The following EIF4G3 variants were observed in gnomAD, a reference collection of about 807,000 sequenced individuals.
EIF4G3 encodes eIF-4-gamma 3.
Under a neutral mutation model 186.4 loss-of-function variants are expected in EIF4G3, and 34 were observed. The observed-to-expected ratio is 0.18, with a 90% CI of 0.14 to 0.24. The LOEUF (loss-of-function observed/expected upper bound fraction) is 0.24. Ranked by LOEUF, EIF4G3 falls within the 10% of genes least tolerant of loss-of-function variation. The probability of loss-of-function intolerance (pLI) is 1.00; values close to 1 mark genes in which losing one functional copy is unlikely to be tolerated. For synonymous variants in EIF4G3, 673 were observed against 679.5 expected, an observed-to-expected ratio of 0.99 and a Z score of 0.15; for missense variants, 1,536 against 1,948.5, an observed-to-expected ratio of 0.79 and a Z score of 3.99.
intron 12 of EIF4G3, among the ~76,000 whole-genome samples, chr1:20,965,431 T>C (rs2074408079): frequency 6.6e-6 from 1 of 152,190 alleles, no homozygotes; most frequent in Non-Finnish European, 1.5e-5. Flanking sequence ...GCATTAACAA[T>C]AGCATTGCCA....
At chr1:20,896,418 A>G (rs1293701419) in intron 16 of EIF4G3, among the ~76,000 whole-genome samples, 2 of 149,050 alleles carry the variant, frequency 1.3e-5, no homozygotes, top group Admixed American at 1.3e-4. Flanking sequence ...CCTGGGTAAC[A>G]GAGTGAGATT....
chr1:20,961,506 G>T (rs970262789), intron 12 of EIF4G3, among the ~76,000 whole-genome samples: 8 of 152,244 alleles, frequency 5.3e-5, no homozygotes, highest in African/African-American at 1.9e-4. Flanking sequence ...TATGCTAGGA[G>T]CATTTGAATT....
intron 2 of EIF4G3, among the ~76,000 whole-genome samples, chr1:21,109,867 C>G (rs887318061): frequency 1.3e-5 from 2 of 152,164 alleles, no homozygotes; most frequent in African/African-American, 4.8e-5. Flanking sequence ...TCACTGCAAC[C>G]TCCCCCGTCT....
At chr1:20,829,055 C>T (rs550983873) in intron 31 of EIF4G3, 92 bp downstream of exon 31, 21 of 1,388,836 alleles carry the variant, frequency 1.5e-5, no homozygotes, top group African/African-American at 1.0e-4. Context: ...TCTCCAAAGG[C>T]GATAATGGGA....
At position 21,104,394 on chromosome 1, in the gene EIF4G3, T is replaced by C. The variant is rs191307949; in HGVS notation, c.-271-15181A>G. On this transcript the variant is annotated intron_variant, in intron 2 of 36. Coordinates refer to ENST00000602326, the MANE Select transcript of EIF4G3 (RefSeq NM_001391906.1). ...ATGAGACAATTAAAATAGGAAAAATTATAAAGTGGGCAAAGAACATGAACA... is the reference window on the plus strand; with the variant it reads ...ATGAGACAATTAAAATAGGAAAAATCATAAAGTGGGCAAAGAACATGAACA... Among the ~76,000 whole-genome samples the C allele has an allele frequency of 4.3e-4, 65 of 152,156 alleles. 1 individual carries two copies. The highest frequency in any genetic ancestry group is 1.4e-3 in the African/African-American group (57 of 41,504).
At chr1:20,817,017 G>A (rs2061172970) in intron 34 of EIF4G3, among the ~76,000 whole-genome samples, 1 of 144,462 alleles carries the variant, frequency 6.9e-6, no homozygotes, top group Admixed American at 7.0e-5. Flanking sequence ...TGCAAGATGT[G>A]CTTTGTTAAA....
chr1:21,046,165 G>A (rs1284091087), intron 4 of EIF4G3, among the ~76,000 whole-genome samples: 1 of 152,206 alleles, frequency 6.6e-6, no homozygotes, highest in Admixed American at 6.5e-5. Context: ...GACATGCTGG[G>A]TTTCAAGATT....
At chr1:20,829,737 G>T (rs1042161323) in intron 30 of EIF4G3, among the ~76,000 whole-genome samples, 3 of 152,136 alleles carry the variant, frequency 2.0e-5, no homozygotes, top group African/African-American at 7.2e-5. Flanking sequence ...GTGTCCTTGA[G>T]GAATCTTACA....
At chr1:21,020,589 G>A (rs998434275) in intron 4 of EIF4G3, among the ~76,000 whole-genome samples, 18 of 152,142 alleles carry the variant, frequency 1.2e-4, no homozygotes, top group Admixed American at 7.2e-4. Flanking sequence ...CGCGATTACT[G>A]GAATACATTT....
intron 2 of EIF4G3, among the ~76,000 whole-genome samples, chr1:21,138,541 G>C (rs1573152664): frequency 6.6e-6 from 1 of 152,120 alleles, no homozygotes; most frequent in Non-Finnish European, 1.5e-5. Flanking sequence ...ATGTCCTGTG[G>C]GGCACAGTGG....
chr1:20,981,239 A>AG lies in EIF4G3; in HGVS notation c.199-13dup, dbSNP rs749295585. On this transcript the variant is annotated splice_polypyrimidine_tract_variant and intron_variant, in intron 8 of 36. Transcript: ENST00000602326. ...GGCCTCTGGAAAAACTGGGAAGGGG[A>AG]GAAAAAAAAAATTTTTTTTTTTTTT... 1.6e-5 allele frequency: 24 copies of AG among 1,545,890 alleles called. No homozygotes were observed. Among genetic ancestry groups the AG allele is most frequent in the East Asian group, 9.1e-5 (4 of 43,936 alleles).
intron 2 of EIF4G3, among the ~76,000 whole-genome samples, chr1:21,093,248 T>C (rs1254105909): frequency 6.6e-6 from 1 of 151,786 alleles, no homozygotes; most frequent in Non-Finnish European, 1.5e-5. Flanking sequence ...TCAAACAAAT[T>C]TACAAGAAAA....
chr1:20,904,380 G>A (rs1233241308), intron 15 of EIF4G3, among the ~76,000 whole-genome samples: 2 of 152,150 alleles, frequency 1.3e-5, no homozygotes, highest in Non-Finnish European at 2.9e-5. Context: ...ATGTTTCACT[G>A]TGTTGCCCAG....
Position 20,810,649 on chromosome 1 carries a change from C to T in EIF4G3, c.4744+89G>A. Reference sequence around the variant, plus strand: ...TGTTATTAGTGATTCTTTTATTGTCCTTTGTTCGAACCCTAAATCATCTCT... The same window carrying T: ...TGTTATTAGTGATTCTTTTATTGTCTTTTGTTCGAACCCTAAATCATCTCT... On this transcript the variant is annotated intron_variant, in intron 36 of 36. Transcript: ENST00000602326. This position sits in a 1 kb window ranked among gnomAD's most constrained non-coding sequence, Gnocchi z 4.1. 2 of 1,433,718 alleles carry T rather than the reference C, an allele frequency of 1.4e-6. No homozygotes were observed. 88.8% of individuals were successfully genotyped at this position (1,433,718 alleles called of 1,614,324 possible).
At chr1:21,115,411 G>GT (rs2096799366) in intron 2 of EIF4G3, among the ~76,000 whole-genome samples, 2 of 152,216 alleles carry the variant, frequency 1.3e-5, no homozygotes, top group East Asian at 3.9e-4. Context: ...AATTACAATA[G>GT]TAAGATCAAA....
intron 10 of EIF4G3, among the ~76,000 whole-genome samples, chr1:20,979,308 C>T (rs369538602): frequency 6.6e-6 from 1 of 152,108 alleles, no homozygotes; most frequent in African/African-American, 2.4e-5. Context: ...AACTAATACC[C>T]AAAACCTCCC....
rs547161988 is a variant in EIF4G3 at position 20,908,670 on chromosome 1, C to A, written c.1664-3699G>T. 1.5e-3 allele frequency among the ~76,000 whole-genome samples: 227 copies of A among 152,220 alleles called. 1 individual carries two copies. The highest frequency in any genetic ancestry group is 6.8e-3 in the Middle Eastern group (2 of 292). The stretch of plus-strand genomic sequence containing the variant: ...GTTTTTCATTTACTTTTTATGTGGG[C>A]TTAACTGGATTCAAATTGTTACTCC... On this transcript the variant is annotated intron_variant, in intron 14 of 36. Transcript: ENST00000602326.
At chr1:21,104,394 T>G (rs191307949) in intron 2 of EIF4G3, among the ~76,000 whole-genome samples, 1 of 152,036 alleles carries the variant, frequency 6.6e-6, no homozygotes, top group African/African-American at 2.4e-5. Context: ...TAGGAAAAAT[T>G]ATAAAGTGGG....
At chr1:20,964,540 CA>C (rs2074188125) in intron 12 of EIF4G3, among the ~76,000 whole-genome samples, 1 of 152,162 alleles carries the variant, frequency 6.6e-6, no homozygotes, top group Non-Finnish European at 1.5e-5. Flanking sequence ...GTAAAAACAG[CA>C]GCAGCAAAAA....
Sources: allele counts gnomAD v4.1 joint callset (sites outside exome capture counted in the v4.1 genomes callset), GRCh38; gene constraint gnomAD v4.1.1; non-coding constraint Gnocchi (gnomAD v3.1); transcripts MANE v1.5; gene names NCBI Gene and HGNC (gene_info 2026-07-23, HGNC 2026-07-21).